The following MCTP1 variants were observed in gnomAD, a reference collection of about 807,000 sequenced individuals.
MCTP1 encodes the protein multiple C2 and transmembrane domain containing 1, also known as multiple C2 and transmembrane domain-containing protein 1.
Under a neutral mutation model 120.6 loss-of-function variants are expected in MCTP1, and 69 were observed. The observed-to-expected ratio is 0.57, with a 90% confidence interval of 0.47 to 0.70. The LOEUF (loss-of-function observed/expected upper bound fraction) is 0.70. Ranked by LOEUF, MCTP1 falls within the 30% of genes least tolerant of loss-of-function variation. MCTP1 has a pLI of 0.00. For synonymous variants in MCTP1, 529 were observed against 493.1 expected (o/e 1.07, Z -0.96); for missense variants, 1,203 against 1,248.8 (o/e 0.96, Z 0.55).
chr5:94,873,149 CTT>C lies in MCTP1; in HGVS notation c.2024_2025del (p.Lys675SerfsTer7). ...VYKNLNPEWN[K>X]VFTFNIKDIH... is the part of the protein sequence containing the mutation. ...GAAATGCCTACTTACAACGTGAAGA[CTT>C]TATTCCACTCAGGATTGAGATTTTT... is the stretch of plus-strand genomic sequence containing the variant. On this transcript the variant is annotated frameshift_variant, in exon 13 of 23. Transcript: ENST00000515393. LOFTEE classifies it high-confidence loss of function. The C allele has an allele frequency of 1.3e-6, 2 of 1,588,610 alleles. No individual in the cohort carries two copies. Among genetic ancestry groups the C allele is most frequent in the Non-Finnish European group, 1.7e-6 (2 of 1,157,620 alleles).
In MCTP1 at chr5:94,926,014, TG is replaced by T. The variant is rs573941254; in HGVS notation, c.1213-1994del. On this transcript the variant is annotated intron_variant, in intron 6 of 22. Transcript: ENST00000515393. ...TAGAGTAAAAAATCTAGAAAAGAAA[TG>T]TTTTTTTCACAGGGAAATAAAATTA... Among the ~76,000 whole-genome samples, 24 of 152,244 alleles carry T rather than the reference TG, an allele frequency of 1.6e-4. No individual in the cohort carries two copies. In the South Asian group the frequency reaches 3.7e-3, roughly 24 times the overall value.
intron 10 of MCTP1, among the ~76,000 whole-genome samples, chr5:94,899,921 G>A (rs893764886): frequency 3.9e-5 from 6 of 151,920 alleles, no homozygotes; most frequent in East Asian, 3.9e-4. Context: ...TCATTGCCTC[G>A]TGCTCCATTT....
chr5:94,861,388 T>A (rs763877840), intron 17 of MCTP1, among the ~76,000 whole-genome samples: 19 of 151,816 alleles, frequency 1.3e-4, no homozygotes, highest in Non-Finnish European at 1.8e-4. Flanking sequence ...CACAGGAAAA[T>A]TGGACAACAG....
At chr5:94,991,804 G>T (rs1831594616) in intron 2 of MCTP1, among the ~76,000 whole-genome samples, 1 of 150,232 alleles carries the variant, frequency 6.7e-6, no homozygotes, top group Non-Finnish European at 1.5e-5. Flanking sequence ...TTGAACCCAG[G>T]AGGTGGAAGT....
chr5:94,931,062 T>C (rs1814537813), intron 6 of MCTP1: 1 of 152,112 alleles, frequency 6.6e-6, no homozygotes, highest in Non-Finnish European at 1.5e-5. Context: ...TAAGAGACAC[T>C]TGTTCAAACA....
intron 3 of MCTP1, among the ~76,000 whole-genome samples, chr5:94,945,423 A>G (rs1429142709): frequency 6.6e-6 from 1 of 152,230 alleles, no homozygotes; most frequent in Non-Finnish European, 1.5e-5. Flanking sequence ...TTCAATTTCT[A>G]GCTCAAATGA....
chr5:95,092,449 A>G (rs1341090266), intron 1 of MCTP1, among the ~76,000 whole-genome samples: 2 of 152,228 alleles, frequency 1.3e-5, no homozygotes, highest in Non-Finnish European at 2.9e-5. Flanking sequence ...ACGTTCTAGT[A>G]TTCTGTAGTA....
intron 2 of MCTP1, among the ~76,000 whole-genome samples, chr5:95,008,709 T>G (rs1176543123): frequency 6.6e-6 from 1 of 151,910 alleles, no homozygotes; most frequent in Non-Finnish European, 1.5e-5. Context: ...GGATTTAGAG[T>G]GGGGCCTAAA....
chr5:95,203,845 C>T (rs943785891), intron 1 of MCTP1, among the ~76,000 whole-genome samples: 11 of 152,192 alleles, frequency 7.2e-5, no homozygotes, highest in African/African-American at 2.4e-4. Flanking sequence ...AATTTCATTT[C>T]ACTGGATCAG....
intron 1 of MCTP1, among the ~76,000 whole-genome samples, chr5:95,273,717 C>T (rs1343346478): frequency 2.0e-5 from 3 of 152,320 alleles, no homozygotes; most frequent in Non-Finnish European, 4.4e-5. Context: ...CAATCTGACA[C>T]TTAGGAGCCT....
In MCTP1 at chr5:95,271,010, A is replaced by G. The variant is rs548945603; in HGVS notation, c.720+12846T>C. Among the ~76,000 whole-genome samples the G allele has an allele frequency of 1.4e-4, 21 of 152,308 alleles. 1 individual carries two copies. Among genetic ancestry groups the G allele is most frequent in the Middle Eastern group, 3.4e-3 (1 of 294 alleles). Reference sequence around the variant, plus strand: ...TAAAGAGCAAGCCCTACCACAATAGATAACACAATAAATATTTTCATGTAC... The same window carrying G: ...TAAAGAGCAAGCCCTACCACAATAGGTAACACAATAAATATTTTCATGTAC... On this transcript the variant is annotated intron_variant, in intron 1 of 22. Transcript: ENST00000515393.
intron 1 of MCTP1, among the ~76,000 whole-genome samples, chr5:95,197,571 G>GA (rs1052298227): frequency 9.9e-5 from 15 of 151,602 alleles, no homozygotes; most frequent in Non-Finnish European, 2.1e-4. Context: ...ACATATTAAT[G>GA]AAAAAAAATC....
At chr5:94,726,084 G>A (rs1410317800) in intron 19 of MCTP1, among the ~76,000 whole-genome samples, 2 of 152,030 alleles carry the variant, frequency 1.3e-5, no homozygotes, top group Non-Finnish European at 2.9e-5. Flanking sequence ...CTATTCACAC[G>A]AGGGTGATGG....
intron 1 of MCTP1, among the ~76,000 whole-genome samples, chr5:95,019,058 T>C (rs1837683780): frequency 6.6e-6 from 1 of 152,114 alleles, no homozygotes; most frequent in African/African-American, 2.4e-5. Context: ...TTTTGTCTAT[T>C]ATCAACAATT....
At chr5:95,116,623 G>A (rs941787224) in intron 1 of MCTP1, among the ~76,000 whole-genome samples, 1 of 151,202 alleles carries the variant, frequency 6.6e-6, no homozygotes, top group African/African-American at 2.4e-5. Context: ...AAATTACTTT[G>A]GGCAGTATGG....
At chr5:94,852,852 T>C (rs1302490967) in intron 17 of MCTP1, among the ~76,000 whole-genome samples, 5 of 151,910 alleles carry the variant, frequency 3.3e-5, no homozygotes, top group African/African-American at 7.2e-5. Context: ...GCAAAACTTA[T>C]TGGTAACATA....
chr5:95,259,977 T>G (rs1758320157), intron 1 of MCTP1, among the ~76,000 whole-genome samples: 1 of 152,210 alleles, frequency 6.6e-6, no homozygotes, highest in Non-Finnish European at 1.5e-5. Flanking sequence ...TGTGCCTGAC[T>G]GCATACTGAA....
At chr5:95,091,358 T>A (rs1225053447) in intron 1 of MCTP1, among the ~76,000 whole-genome samples, 2 of 152,200 alleles carry the variant, frequency 1.3e-5, no homozygotes, top group Admixed American at 1.3e-4. Flanking sequence ...TTTTGAAACA[T>A]ATTTGAAATT....
chr5:94,871,834 T>A (rs905530714), intron 13 of MCTP1, among the ~76,000 whole-genome samples: 11 of 152,082 alleles, frequency 7.2e-5, no homozygotes, highest in Non-Finnish European at 1.3e-4. Flanking sequence ...AGTTACAGTA[T>A]ATTTTATGTA....
Sources: allele counts gnomAD v4.1 joint callset (sites outside exome capture counted in the v4.1 genomes callset), GRCh38; gene constraint gnomAD v4.1.1; transcripts MANE v1.5; gene names NCBI Gene and HGNC (gene_info 2026-07-23, HGNC 2026-07-21).